Variants in CDC25C observed in about 807,000 individuals in gnomAD.
CDC25C encodes the protein M-phase inducer phosphatase 3.
In CDC25C, 48 loss-of-function variants were observed where a neutral mutation model predicts 52.5. That is an observed-to-expected ratio of 0.91 (90% CI 0.72 to 1.16). CDC25C has a LOEUF of 1.16. Ranked by LOEUF, CDC25C falls within the 50% of genes most tolerant of loss-of-function variation. CDC25C has a pLI of 0.00. For synonymous variants in CDC25C, 187 were observed against 206.5 expected, an observed-to-expected ratio of 0.91 and a Z score of 0.81; for missense variants, 510 against 566.1, an observed-to-expected ratio of 0.90 and a Z score of 1.01.
In CDC25C at chr5:138,328,664, T is replaced by C. The variant is rs558919297; in HGVS notation, c.290-135A>G. ...AGCTTTTGAATACAAAGCCTCTCGA[T>C]TGGTACCCATTTCATGGTACAAGGT... On this transcript the variant is annotated intron_variant, in intron 3 of 13. Transcript: ENST00000323760. 7.1e-5 allele frequency: 49 copies of C among 692,710 alleles called. 1 individual carries two copies. In the African/African-American group the frequency reaches 7.4e-4, roughly 10 times the overall value. 42.9% of individuals were successfully genotyped at this position (692,710 alleles called of 1,614,324 possible).
chr5:138,332,700 T>C (rs994178148), upstream of CDC25C, among the ~76,000 whole-genome samples: 1 of 151,956 alleles, frequency 6.6e-6, no homozygotes, highest in African/African-American at 2.4e-5. Flanking sequence ...ACCCCGTCTC[T>C]ACTAAAAATA....
chr5:138,331,512 CTCTG>C (rs1254116766), intron 1 of CDC25C, 79 bp downstream of exon 1: 1 of 1,062,318 alleles, frequency 9.4e-7, no homozygotes, highest in Non-Finnish European at 1.2e-6. Flanking sequence ...CCCTCCCAAC[CTCTG>C]TCTGTGGGGG....
At chr5:138,329,522 C>T (rs1760165054) in intron 3 of CDC25C, 31 bp downstream of exon 3, 2 of 1,302,576 alleles carry the variant, frequency 1.5e-6, no homozygotes, top group East Asian at 2.3e-5. Context: ...GTTATTCTTC[C>T]CTTTGAGGCC....
chr5:138,331,844 A>G (rs1372103766), upstream of CDC25C: 2 of 982,808 alleles, frequency 2.0e-6, no homozygotes, highest in African/African-American at 3.5e-5. Context: ...ACCTTCCGCC[A>G]GCCCAGTAAC....
intron 7 of CDC25C, among the ~76,000 whole-genome samples, chr5:138,307,486 G>A (rs1052963787): frequency 8.4e-5 from 3 of 35,510 alleles, no homozygotes; most frequent in African/African-American, 3.3e-4. Flanking sequence ...GACTGAGACT[G>A]CCACAAAAAA....
chr5:138,337,503 C>G (rs1392584522), intron 1 of CDC25C: 2 of 169,774 alleles, frequency 1.2e-5, no homozygotes, highest in African/African-American at 4.8e-5. Context: ...ACTGAACCGC[C>G]TATGATGTCA....
Position 138,287,055 on chromosome 5 carries a change from A to G in CDC25C, c.1026+114T>C, listed in dbSNP as rs148684296. ...AGGACCTCAGCCTTGAGGTGCTTCA[A>G]ATATGTAATCTTTGTCCTGACTCTA... is the stretch of plus-strand genomic sequence containing the variant. On this transcript the variant is annotated intron_variant, in intron 11 of 13. Transcript: ENST00000323760. 140 of 685,388 alleles carry G rather than the reference A, an allele frequency of 2.0e-4. No homozygotes were observed. In the African/African-American group the frequency reaches 2.1e-3, roughly 10 times the overall value. 42.5% of individuals were successfully genotyped at this position (685,388 alleles called of 1,614,324 possible).
intron 1 of CDC25C, chr5:138,337,930 AGGGC>A (rs1374774937): frequency 7.8e-7 from 1 of 1,279,398 alleles, no homozygotes; most frequent in Non-Finnish European, 1.0e-6. Flanking sequence ...GGAGGGAGGG[AGGGC>A]AGGGGCGATG....
At chr5:138,299,426 G>T (rs1343359179) in intron 7 of CDC25C, among the ~76,000 whole-genome samples, 2 of 149,882 alleles carry the variant, frequency 1.3e-5, no homozygotes, top group Non-Finnish European at 3.0e-5. Context: ...AACCCAGGGG[G>T]CAGAGGTTGC....
At chr5:138,303,089 C>CA (rs1423305004) in intron 7 of CDC25C, among the ~76,000 whole-genome samples, 1 of 151,988 alleles carries the variant, frequency 6.6e-6, no homozygotes, top group Non-Finnish European at 1.5e-5. Context: ...AAAACAAAAA[C>CA]AAAAAACCTG....
intron 7 of CDC25C, among the ~76,000 whole-genome samples, chr5:138,304,614 T>C (rs1757869988): frequency 6.6e-6 from 1 of 151,882 alleles, no homozygotes; most frequent in Admixed American, 6.6e-5. Context: ...CAAGCAATCC[T>C]ACTGTCTCTG....
At position 138,329,623 on chromosome 5, in the gene CDC25C, A is replaced by G; in HGVS notation, c.219T>C (p.Asp73=). Residue 73 remains aspartate (D), a synonymous_variant, in exon 3 of 14, where the codon GAT becomes GAC. Transcript: ENST00000323760. The stretch of plus-strand genomic sequence containing the variant: ...TCTCCCCACTGCTAAGATTCGAAAG[A>G]TCGAGGCAACGTTTTGGGGTTCCTC... The part of the protein sequence containing the change: ...LSGGTPKRCL[D]LSNLSSGEIT... 1 of 1,612,870 alleles carries G rather than the reference A, an allele frequency of 6.2e-7. No individual in the cohort carries two copies. Among genetic ancestry groups the G allele is most frequent in the Non-Finnish European group, 8.5e-7 (1 of 1,179,130 alleles).
intron 7 of CDC25C, 83 bp downstream of exon 7, chr5:138,319,136 C>T (rs894128714): frequency 1.0e-5 from 13 of 1,253,110 alleles, no homozygotes; most frequent in Non-Finnish European, 1.5e-5. Context: ...AATAAACTCT[C>T]CTAAGTTTAA....
intron 6 of CDC25C, among the ~76,000 whole-genome samples, chr5:138,325,364 T>A (rs1261016536): frequency 6.6e-6 from 1 of 151,966 alleles, no homozygotes; most frequent in Admixed American, 6.6e-5. Flanking sequence ...AAGGTTTAGA[T>A]AAAAAGTACC....
chr5:138,295,447 T>C (rs986658855), intron 7 of CDC25C, among the ~76,000 whole-genome samples: 1 of 152,002 alleles, frequency 6.6e-6, no homozygotes, highest in Non-Finnish European at 1.5e-5. Flanking sequence ...ACCTTGTCTC[T>C]ACAAAAAATA....
At chr5:138,289,707 T>C (rs1756551159) in intron 9 of CDC25C, 144 bp from the exon 10 acceptor site, 3 of 621,660 alleles carry the variant, frequency 4.8e-6, no homozygotes, top group South Asian at 2.0e-5. Context: ...AAAGTGCATA[T>C]ACATCAAGTC....
chr5:138,336,766 C>G (rs189717512), upstream of CDC25C: 3 of 152,292 alleles, frequency 2.0e-5, no homozygotes, highest in Admixed American at 1.3e-4. Context: ...TTCATGGCCC[C>G]TAACTCTGCT....
At chr5:138,301,072 T>A (rs964289266) in intron 7 of CDC25C, among the ~76,000 whole-genome samples, 1 of 151,974 alleles carries the variant, frequency 6.6e-6, no homozygotes, top group African/African-American at 2.4e-5. Flanking sequence ...TAACTAAACA[T>A]GAAGATCAAA....
intron 7 of CDC25C, among the ~76,000 whole-genome samples, chr5:138,300,914 T>G (rs1406758640): frequency 6.6e-6 from 1 of 151,956 alleles, no homozygotes; most frequent in African/African-American, 2.4e-5. Context: ...AACCCCTACA[T>G]CAAAAAAGAA....
Sources: allele counts gnomAD v4.1 joint callset (sites outside exome capture counted in the v4.1 genomes callset), GRCh38; gene constraint gnomAD v4.1.1; transcripts MANE v1.5; gene names NCBI Gene and HGNC (gene_info 2026-07-23, HGNC 2026-07-21).